MAML3: variants seen among roughly 807,000 people sequenced by gnomAD.
The protein encoded by MAML3 is mastermind-like protein 3.
Under a neutral mutation model 101.9 loss-of-function variants are expected in MAML3, and 27 were observed. The observed-to-expected ratio is 0.27, with a 90% CI of 0.20 to 0.37. The LOEUF is 0.37. MAML3 is among the 10% of genes least tolerant of loss of function. The probability of loss-of-function intolerance (pLI) is 1.00; values close to 1 mark genes in which losing one functional copy is unlikely to be tolerated. For missense variants in MAML3, 1,316 were observed against 1,444.9 expected (o/e 0.91, Z 1.45); for synonymous variants, 501 against 555.9 (o/e 0.90, Z 1.39).
intron 1 of MAML3, among the ~76,000 whole-genome samples, chr4:140,055,262 A>AT: frequency 6.6e-6 from 1 of 152,298 alleles, no homozygotes; most frequent in African/African-American, 2.4e-5. Context: ...CTTCTTTGTC[A>AT]TTTTTTGAAA....
At chr4:140,049,477 C>A (rs1019069873) in intron 1 of MAML3, among the ~76,000 whole-genome samples, 1 of 152,100 alleles carries the variant, frequency 6.6e-6, no homozygotes, top group Non-Finnish European at 1.5e-5. Context: ...TGGTTTAAAA[C>A]GAGCCACTCA....
At chr4:139,868,045 C>T (rs1275694586) in intron 2 of MAML3, among the ~76,000 whole-genome samples, 2 of 152,196 alleles carry the variant, frequency 1.3e-5, no homozygotes, top group African/African-American at 4.8e-5. Context: ...TCTTTTGTAC[C>T]TAGGGTTGTG....
chr4:139,865,664 T>G (rs1731884915), intron 2 of MAML3, among the ~76,000 whole-genome samples: 3 of 152,220 alleles, frequency 2.0e-5, no homozygotes, highest in Non-Finnish European at 4.4e-5. Context: ...AACTAGGCAG[T>G]CTTAATGACT....
intron 1 of MAML3, among the ~76,000 whole-genome samples, chr4:140,020,668 G>C (rs888521227): frequency 6.6e-6 from 1 of 152,108 alleles, no homozygotes; most frequent in African/African-American, 2.4e-5. Context: ...TGAGGGAATG[G>C]AAGAGTGCTG....
intron 1 of MAML3, among the ~76,000 whole-genome samples, chr4:140,051,110 C>A (rs10030552): frequency 0.25 from 37,290 of 152,120 alleles, 5,725 homozygotes; most frequent in East Asian, 0.65. Context: ...GAAGGCATAG[C>A]AAAAATTCCT....
intron 2 of MAML3, among the ~76,000 whole-genome samples, chr4:139,811,060 G>A (rs1730788374): frequency 6.6e-6 from 1 of 152,220 alleles, no homozygotes; most frequent in South Asian, 2.1e-4. Context: ...GCCATGCATT[G>A]GGTAGGAAGA....
chr4:139,729,156 C>CAAAAAAAAAAAAAAAA (rs4057275), intron 3 of MAML3, among the ~76,000 whole-genome samples: 2 of 81,704 alleles, frequency 2.4e-5, no homozygotes, highest in African/African-American at 4.8e-5. Flanking sequence ...GGAACAAAAG[C>CAAAAAAAAAAAAAAAA]AAAAAAAAAA....
intron 1 of MAML3, among the ~76,000 whole-genome samples, chr4:139,991,249 G>A (rs12331784): frequency 0.5 from 75,452 of 151,908 alleles, 19,245 homozygotes; most frequent in East Asian, 0.65. Context: ...ATAAAGTCGC[G>A]TATCTACAAC....
At chr4:139,911,934 T>C (rs995559067) in intron 1 of MAML3, among the ~76,000 whole-genome samples, 2 of 152,238 alleles carry the variant, frequency 1.3e-5, no homozygotes, top group African/African-American at 4.8e-5. Context: ...CTAAAACATA[T>C]GTACATACCA....
chr4:139,981,559 T>A (rs553523506), intron 1 of MAML3, among the ~76,000 whole-genome samples: 40 of 152,356 alleles, frequency 2.6e-4, no homozygotes, highest in African/African-American at 9.1e-4. Context: ...TGAACAAATA[T>A]TGACACATTA....
intron 1 of MAML3, among the ~76,000 whole-genome samples, chr4:140,098,915 C>T (rs546805000): frequency 6.6e-6 from 1 of 152,276 alleles, no homozygotes; most frequent in African/African-American, 2.4e-5. Context: ...GAGGAAGTTC[C>T]CACATGAACT....
chr4:140,135,649 A>G (rs952409743), intron 1 of MAML3, among the ~76,000 whole-genome samples: 24 of 152,346 alleles, frequency 1.6e-4, no homozygotes, highest in African/African-American at 5.8e-4. Flanking sequence ...ACGTCTCTGA[A>G]GAGCCACCAT....
At chr4:140,011,969 T>C (rs912405104) in intron 1 of MAML3, among the ~76,000 whole-genome samples, 1 of 151,854 alleles carries the variant, frequency 6.6e-6, no homozygotes, top group African/African-American at 2.4e-5. Context: ...TTAGTAAGTC[T>C]AAGTTCATTT....
chr4:139,895,554 T>C (rs1413127266), intron 1 of MAML3, among the ~76,000 whole-genome samples: 1 of 152,178 alleles, frequency 6.6e-6, no homozygotes, highest in East Asian at 1.9e-4. Flanking sequence ...AAACACCCAC[T>C]AAGTCTTAGC....
chr4:140,142,207 C>T (rs1037686058), intron 1 of MAML3, among the ~76,000 whole-genome samples: 5 of 151,874 alleles, frequency 3.3e-5, no homozygotes, highest in African/African-American at 1.2e-4. Context: ...AATATGATTC[C>T]ATTTATGTAG....
intron 1 of MAML3, among the ~76,000 whole-genome samples, chr4:140,000,203 T>A (rs1734896830): frequency 6.6e-6 from 1 of 152,232 alleles, no homozygotes; most frequent in South Asian, 2.1e-4. Context: ...GTCACAGTCA[T>A]CTTCATTTAC....
chr4:139,810,483 C>A (rs1447690197), intron 2 of MAML3, among the ~76,000 whole-genome samples: 1 of 151,998 alleles, frequency 6.6e-6, no homozygotes, highest in Non-Finnish European at 1.5e-5. Context: ...GGACATCATG[C>A]CTGGCCTAAA....
chr4:139,849,451 G>C (rs1731510108), intron 2 of MAML3, among the ~76,000 whole-genome samples: 1 of 152,164 alleles, frequency 6.6e-6, no homozygotes, highest in Admixed American at 6.5e-5. Context: ...ACGGGGCAGA[G>C]ACAAATAAGA....
chr4:140,143,945 G>C (rs1729016134), intron 1 of MAML3, among the ~76,000 whole-genome samples: 1 of 152,266 alleles, frequency 6.6e-6, no homozygotes, highest in Non-Finnish European at 1.5e-5. Context: ...TGCTCTTCAA[G>C]TAATGATGTT....
Sources: allele counts gnomAD v4.1 joint callset (sites outside exome capture counted in the v4.1 genomes callset), GRCh38; gene constraint gnomAD v4.1.1; transcripts MANE v1.5; gene names NCBI Gene and HGNC (gene_info 2026-07-23, HGNC 2026-07-21).